Variants in KDM5A observed in about 807,000 individuals in gnomAD.
KDM5A encodes lysine demethylase 5A, also known as lysine-specific demethylase 5A.
A neutral mutation model predicts 193.5 loss-of-function variants in KDM5A; 42 were observed. The observed-to-expected ratio is 0.22, with a 90% CI of 0.17 to 0.28. The LOEUF is 0.28. KDM5A is among the 10% of genes least tolerant of loss of function. KDM5A has a pLI of 1.00. For missense variants in KDM5A, 1,692 were observed against 2,055.1 expected, an observed-to-expected ratio of 0.82 and a Z score of 3.42; for synonymous variants, 796 against 718.1, an observed-to-expected ratio of 1.11 and a Z score of -1.73.
chr12:312,666 T>C (rs1242255502), intron 20 of KDM5A, among the ~76,000 whole-genome samples: 2 of 152,222 alleles, frequency 1.3e-5, no homozygotes, highest in Non-Finnish European at 2.9e-5. Context: ...TGTCCCGTCG[T>C]AAGGTGAAAA....
In KDM5A at chr12:285,368, T is replaced by C. The variant is rs780833799; in HGVS notation, c.*88A>G. On this transcript the variant is annotated 3_prime_UTR_variant, in exon 28 of 28. Coordinates refer to ENST00000399788, the MANE Select transcript of KDM5A (RefSeq NM_001042603.3). ...AGGCCATTCATCTTTGGAAGCAACA[T>C]TCCAAGTGGATATAAACCACTCTAC... 17 of 1,179,606 alleles carry C rather than the reference T, an allele frequency of 1.4e-5. No individual in the cohort carries two copies. Among genetic ancestry groups the C allele is most frequent in the Non-Finnish European group, 2.0e-5 (16 of 793,362 alleles). 73.1% of individuals were successfully genotyped at this position (1,179,606 alleles called of 1,614,324 possible).
At position 285,470 on chromosome 12, in the gene KDM5A, T is replaced by C. The variant is rs1943209371; in HGVS notation, c.5059A>G (p.Lys1687Glu). ...MSYKLPMEDL[K>E]ETS The stretch of plus-strand genomic sequence containing the variant: ...CCAAGCATCTGCTAACTGGTCTCTT[T>C]AAGATCCTCCATTGGTAGTTTGTAG... The change falls in exon 28 of 28, where the codon AAA becomes GAA. Residue 1687 changes from lysine to glutamate, a missense_variant. Coordinates refer to ENST00000399788, the MANE Select transcript of KDM5A (RefSeq NM_001042603.3). 1.9e-6 allele frequency: 3 copies of C among 1,613,930 alleles called. No homozygotes were observed. Among genetic ancestry groups the C allele is most frequent in the Non-Finnish European group, 2.5e-6 (3 of 1,179,868 alleles).
At chr12:383,428 G>T (rs944022305) in intron 3 of KDM5A, among the ~76,000 whole-genome samples, 7 of 151,722 alleles carry the variant, frequency 4.6e-5, no homozygotes, top group African/African-American at 1.7e-4. Context: ...TGTTGCCTGG[G>T]CTAGTCTCTA....
At chr12:342,843 C>T (rs1212935639) in intron 10 of KDM5A, among the ~76,000 whole-genome samples, 2 of 151,284 alleles carry the variant, frequency 1.3e-5, no homozygotes, top group Non-Finnish European at 2.9e-5. Flanking sequence ...CTCCGGCCTA[C>T]AGCTTCCAGC....
chr12:362,080 C>T (rs1471949473), intron 5 of KDM5A, among the ~76,000 whole-genome samples: 3 of 152,142 alleles, frequency 2.0e-5, no homozygotes, highest in Non-Finnish European at 4.4e-5. Flanking sequence ...CATCTCTATA[C>T]TACATTGTTT....
chr12:305,969 GTTTTTTTTTT>G (rs3038312), intron 24 of KDM5A, among the ~76,000 whole-genome samples: 1 of 104,216 alleles, frequency 9.6e-6, no homozygotes. Flanking sequence ...CAATGGAAGT[GTTTTTTTTTT>G]TTTTTTTTTT....
intron 26 of KDM5A, among the ~76,000 whole-genome samples, chr12:295,266 A>AAAG (rs1943354064): frequency 4.0e-5 from 6 of 149,064 alleles, no homozygotes; most frequent in African/African-American, 7.4e-5. Flanking sequence ...GAGAAAGGGG[A>AAAG]AGGAAAAAGG....
At chr12:289,909 T>C in intron 27 of KDM5A, among the ~76,000 whole-genome samples, 1 of 115,094 alleles carries the variant, frequency 8.7e-6, no homozygotes, top group East Asian at 2.6e-4. Context: ...CTTTCTTTCT[T>C]TTTTTTTTTT....
chr12:289,907 CTTTTTTT>C lies in KDM5A; in HGVS notation c.4866+2845_4866+2851del, dbSNP rs750918968. Among the ~76,000 whole-genome samples, 63 of 99,646 alleles carry C rather than the reference CTTTTTTT, an allele frequency of 6.3e-4. 2 individuals are homozygous for C. The East Asian group carries it at 0.01, about 16-fold the overall frequency. 65.4% of individuals were successfully genotyped at this position (99,646 alleles called of 152,430 possible). A position where few individuals can be genotyped will look rare whatever the true frequency, so the allele number is the denominator to read the frequency against. On this transcript the variant is annotated intron_variant, in intron 27 of 27. Transcript: ENST00000399788. ...AAAAAGCATGATTTTTTCTTTCTTT[CTTTTTTT>C]TTTTTTTTTTTTTTTTACATCATCT...
rs766024840 is a variant in KDM5A at position 307,016 on chromosome 12, G to A, written c.4004C>T (p.Thr1335Ile). ...VSSVSSSPRQ[T>I]MDYDDEETDS... ...TGTTTCTTCATCATCATAGTCCATT[G>A]TTTGTCGAGGAGAAGATGACACACT... The change falls in exon 24 of 28, where the codon ACA becomes ATA. Residue 1335 changes from threonine to isoleucine, a missense_variant. This residue lies in a region of KDM5A where 965 missense variants were observed against 1,061.0 expected (regional missense o/e 0.91). Transcript: ENST00000399788. The surrounding 1 kb of genome is among the most constrained non-coding windows in gnomAD (Gnocchi z 4.3). 1.9e-6 allele frequency: 3 copies of A among 1,613,790 alleles called. No individual in the cohort carries two copies. The highest frequency in any genetic ancestry group is 2.5e-6 in the Non-Finnish European group (3 of 1,179,922).
intron 27 of KDM5A, among the ~76,000 whole-genome samples, 183 bp downstream of exon 27, chr12:292,576 C>T (rs199512198): frequency 2.0e-5 from 3 of 152,302 alleles, no homozygotes; most frequent in East Asian, 3.9e-4. Flanking sequence ...AAATACAACA[C>T]TTCTACTAGG....
chr12:384,716 T>C (rs1944618464), intron 2 of KDM5A, among the ~76,000 whole-genome samples: 1 of 152,194 alleles, frequency 6.6e-6, no homozygotes, highest in African/African-American at 2.4e-5. Flanking sequence ...AAAACAATTT[T>C]TGTAAGTTGG....
chr12:333,386 T>C, intron 12 of KDM5A, 101 bp downstream of exon 12: 1 of 1,345,740 alleles, frequency 7.4e-7, no homozygotes, highest in South Asian at 1.2e-5. Flanking sequence ...GCCGCTGCAC[T>C]CCAGCCTGGG....
At chr12:353,644 C>G (rs1332886803) in intron 8 of KDM5A, among the ~76,000 whole-genome samples, 2 of 151,998 alleles carry the variant, frequency 1.3e-5, no homozygotes, top group Non-Finnish European at 2.9e-5. Context: ...GGAAATTGGC[C>G]AGGCATGGTG....
At position 384,023 on chromosome 12, in the gene KDM5A, A is replaced by C; in HGVS notation, c.366+8T>G. ...GTGCTCTAATTTCTAAACCAGTATG[A>C]GCCTCACCTTGCTCAAAGCATACAG... On this transcript the variant is annotated splice_region_variant and intron_variant, in intron 3 of 27. Coordinates refer to ENST00000399788, the MANE Select transcript of KDM5A (RefSeq NM_001042603.3). The C allele has an allele frequency of 6.2e-7, 1 of 1,613,486 alleles. No individual in the cohort carries two copies.
At chr12:378,160 T>C (rs554838561) in intron 3 of KDM5A, among the ~76,000 whole-genome samples, 131 of 152,264 alleles carry the variant, frequency 8.6e-4, no homozygotes, top group Admixed American at 3.1e-3. Context: ...AGCATATTAC[T>C]TGGAAATATG....
chr12:384,246 T>C, intron 2 of KDM5A, 93 bp from the exon 3 acceptor site: 1 of 925,280 alleles, frequency 1.1e-6, no homozygotes, highest in Non-Finnish European at 1.8e-6. Flanking sequence ...TGTGGACCAG[T>C]ACCCATCAGC....
In KDM5A at chr12:283,419, G is replaced by A; in HGVS notation, c.*2037C>T. 4.3e-6 allele frequency: 1 copy of A among 232,852 alleles called. No individual in the cohort carries two copies. Among genetic ancestry groups the A allele is most frequent in the Non-Finnish European group, 8.5e-6 (1 of 117,592 alleles). The allele number at this position is 232,852 out of a possible 1,614,324, so 14.4% of individuals were successfully genotyped here. A position where few individuals can be genotyped will look rare whatever the true frequency, so the allele number is the denominator to read the frequency against. The stretch of plus-strand genomic sequence containing the variant: ...GATGAGACCTCAAGACATATGCACA[G>A]CAACACTAACAAACCTCTGAACAAG... On this transcript the variant is annotated 3_prime_UTR_variant, in exon 28 of 28. Transcript: ENST00000399788.
At chr12:357,338 C>A (rs199624298) in intron 5 of KDM5A, among the ~76,000 whole-genome samples, 12 of 142,652 alleles carry the variant, frequency 8.4e-5, no homozygotes, top group South Asian at 2.2e-4. Context: ...CCGTTTCTAC[C>A]AAAAAAAAAA....
Sources: allele counts gnomAD v4.1 joint callset (sites outside exome capture counted in the v4.1 genomes callset), GRCh38; gene constraint gnomAD v4.1.1; regional missense constraint gnomAD v4.1.1; non-coding constraint Gnocchi (gnomAD v3.1); transcripts MANE v1.5; gene names NCBI Gene and HGNC (gene_info 2026-07-23, HGNC 2026-07-21).